The following KCTD16 variants were observed in gnomAD, a reference collection of about 807,000 sequenced individuals.
KCTD16 encodes the protein BTB/POZ domain-containing protein KCTD16.
In KCTD16, 13 loss-of-function variants were observed where a neutral mutation model predicts 33.2. That is an observed-to-expected ratio of 0.39 (90% CI 0.25 to 0.62). The LOEUF (loss-of-function observed/expected upper bound fraction) is 0.62. Ranked by LOEUF, KCTD16 falls within the 20% of genes least tolerant of loss-of-function variation. The pLI, the probability that KCTD16 is intolerant of heterozygous loss-of-function variation, is 0.50. For synonymous variants in KCTD16, 197 were observed against 195.3 expected, an observed-to-expected ratio of 1.01 and a Z score of -0.07; for missense variants, 441 against 525.1, an observed-to-expected ratio of 0.84 and a Z score of 1.57.
chr5:144,370,115 A>G (rs1751931818), intron 3 of KCTD16, among the ~76,000 whole-genome samples: 1 of 152,142 alleles, frequency 6.6e-6, no homozygotes, highest in Non-Finnish European at 1.5e-5. Context: ...CTTTAATGTG[A>G]CTTCTCAGTT....
At chr5:144,420,027 G>A (rs1339496081) in intron 3 of KCTD16, among the ~76,000 whole-genome samples, 2 of 152,096 alleles carry the variant, frequency 1.3e-5, no homozygotes, top group African/African-American at 2.4e-5. Context: ...ATTTATTTAT[G>A]TATTTAATAA....
At chr5:144,318,906 A>G (rs1752000667) in intron 3 of KCTD16, among the ~76,000 whole-genome samples, 1 of 152,172 alleles carries the variant, frequency 6.6e-6, no homozygotes, top group South Asian at 2.1e-4. Flanking sequence ...TTGTGATTTA[A>G]TGTTTAGAGG....
At chr5:144,309,221 A>C (rs991586032) in intron 3 of KCTD16, among the ~76,000 whole-genome samples, 2 of 152,202 alleles carry the variant, frequency 1.3e-5, no homozygotes, top group African/African-American at 4.8e-5. Context: ...GCTCTGTGCC[A>C]AACTGCTCAA....
chr5:144,415,313 G>A (rs142709480), intron 3 of KCTD16, among the ~76,000 whole-genome samples: 1 of 152,214 alleles, frequency 6.6e-6, no homozygotes, highest in African/African-American at 2.4e-5. Context: ...TGAAGATCAA[G>A]TTCCCAACAC....
chr5:144,422,580 G>A (rs1220452327), intron 3 of KCTD16, among the ~76,000 whole-genome samples: 2 of 152,142 alleles, frequency 1.3e-5, no homozygotes, highest in African/African-American at 2.4e-5. Context: ...TTGGGGAAAT[G>A]TGGGATAGTA....
intron 3 of KCTD16, among the ~76,000 whole-genome samples, chr5:144,341,898 CAGT>C (rs1245564062): frequency 3.3e-5 from 5 of 152,116 alleles, no homozygotes; most frequent in Admixed American, 6.5e-5. Context: ...ATTTGTGTAA[CAGT>C]AGGATCAGTG....
chr5:144,260,936 A>G (rs1383004884), intron 3 of KCTD16, among the ~76,000 whole-genome samples: 1 of 152,068 alleles, frequency 6.6e-6, no homozygotes, highest in Non-Finnish European at 1.5e-5. Context: ...AATTAACTCT[A>G]TAGGCTGGCA....
rs1311253544 is a variant in KCTD16, at chr5:144,433,879, C to G, written c.833-39781C>G. On this transcript the variant is annotated intron_variant, in intron 3 of 3. Coordinates refer to ENST00000512467, the MANE Select transcript of KCTD16 (RefSeq NM_020768.4). The stretch of plus-strand genomic sequence containing the variant: ...ACATCTTTTGTTGTTGTTATAGTCA[C>G]TGCCATCAGGGTTTTCTGATAATGC... Among the ~76,000 whole-genome samples the G allele has an allele frequency of 2.0e-5, 3 of 152,170 alleles. No individual in the cohort carries two copies. In the South Asian group the frequency reaches 6.2e-4, roughly 32 times the overall value.
chr5:144,173,084 A>T (rs1226138042), intron 1 of KCTD16, among the ~76,000 whole-genome samples: 1 of 152,212 alleles, frequency 6.6e-6, no homozygotes, highest in Non-Finnish European at 1.5e-5. Context: ...ATCCTCAAAG[A>T]CCTAAAGACA....
intron 3 of KCTD16, among the ~76,000 whole-genome samples, chr5:144,458,219 GC>G (rs1055519127): frequency 4.8e-4 from 73 of 152,140 alleles, no homozygotes; most frequent in African/African-American, 1.6e-3. Flanking sequence ...TACTGCTATT[GC>G]CCCCATGTTA....
intron 3 of KCTD16, among the ~76,000 whole-genome samples, chr5:144,348,859 A>C (rs1752875177): frequency 1.3e-5 from 2 of 152,198 alleles, no homozygotes; most frequent in African/African-American, 4.8e-5. Flanking sequence ...TTGCTGCAGC[A>C]ATCTTGACTA....
chr5:144,472,120 G>A (rs563604257), intron 3 of KCTD16, among the ~76,000 whole-genome samples: 1 of 152,290 alleles, frequency 6.6e-6, no homozygotes, highest in East Asian at 1.9e-4. Context: ...TATTATTCAT[G>A]AGAATAAGAT....
intron 3 of KCTD16, among the ~76,000 whole-genome samples, chr5:144,454,846 T>C (rs1754025416): frequency 6.6e-6 from 1 of 152,148 alleles, no homozygotes; most frequent in African/African-American, 2.4e-5. Context: ...TGAAACGGAA[T>C]AGGGTGATAG....
chr5:144,479,315 C>G lies in KCTD16; in HGVS notation c.*5201C>G, dbSNP rs1754656837. On this transcript the variant is annotated 3_prime_UTR_variant, in exon 4 of 4. Coordinates refer to ENST00000512467, the MANE Select transcript of KCTD16 (RefSeq NM_020768.4). ...TCTCAGATAATTGAAGATCCTGAAC[C>G]CTGACATTAACTAAAAACTTGAAGC... 6.7e-6 allele frequency: 1 copy of G among 149,816 alleles called. No homozygotes were observed. The highest frequency in any genetic ancestry group is 2.5e-5 in the African/African-American group (1 of 40,780). 9.3% of individuals were successfully genotyped at this position (149,816 alleles called of 1,614,324 possible). A position where few individuals can be genotyped will look rare whatever the true frequency, so the allele number is the denominator to read the frequency against.
chr5:144,181,496 A>T (rs115921063), intron 2 of KCTD16, among the ~76,000 whole-genome samples: 2,169 of 152,300 alleles, frequency 0.014, 21 homozygotes, highest in Non-Finnish European at 0.024. Context: ...CATTTTTCAA[A>T]ATAGCTAAGA....
intron 3 of KCTD16, among the ~76,000 whole-genome samples, chr5:144,442,416 T>G (rs1370830516): frequency 6.6e-6 from 1 of 151,606 alleles, no homozygotes; most frequent in Non-Finnish European, 1.5e-5. Flanking sequence ...TCTTCTTGGC[T>G]CTCATTCTTT....
chr5:144,262,132 T>C (rs1202986746), intron 3 of KCTD16, among the ~76,000 whole-genome samples: 1 of 152,018 alleles, frequency 6.6e-6, no homozygotes, highest in Non-Finnish European at 1.5e-5. Flanking sequence ...ATGAGATGGG[T>C]AAGAATTAAT....
At chr5:144,228,026 T>C (rs930154235) in intron 3 of KCTD16, among the ~76,000 whole-genome samples, 1 of 152,156 alleles carries the variant, frequency 6.6e-6, no homozygotes, top group African/African-American at 2.4e-5. Context: ...ATGTGAATAA[T>C]AGGAGTTAGA....
intron 3 of KCTD16, among the ~76,000 whole-genome samples, chr5:144,224,583 A>G (rs1432289113): frequency 6.6e-6 from 1 of 151,876 alleles, no homozygotes; most frequent in Admixed American, 6.6e-5. Context: ...TCATAGCTAT[A>G]TTTTTATATT....
Sources: allele counts gnomAD v4.1 joint callset (sites outside exome capture counted in the v4.1 genomes callset), GRCh38; gene constraint gnomAD v4.1.1; transcripts MANE v1.5; gene names NCBI Gene and HGNC (gene_info 2026-07-23, HGNC 2026-07-21).